Variants in SMURF2 observed in about 807,000 individuals in gnomAD.
The protein encoded by SMURF2 is SMAD specific E3 ubiquitin protein ligase 2.
In SMURF2, 48 loss-of-function variants were observed where a neutral mutation model predicts 109.6. That is an observed-to-expected ratio of 0.44 (90% CI 0.35 to 0.56). SMURF2 has a LOEUF of 0.56. SMURF2 is among the 20% of genes least tolerant of loss of function. The pLI is 0.01. For missense variants in SMURF2, 575 were observed against 909.0 expected (o/e 0.63, Z 4.72); for synonymous variants, 288 against 317.1 (o/e 0.91, Z 0.97).
chr17:64,638,350 G>A (rs1555692292), intron 1 of SMURF2, among the ~76,000 whole-genome samples: 1 of 152,130 alleles, frequency 6.6e-6, no homozygotes, highest in Non-Finnish European at 1.5e-5. Context: ...ACAGGCATGA[G>A]CCACTGCGCC....
rs985674475 is a variant in SMURF2, at chr17:64,543,257, T to C, written c.*2591A>G. The C allele has an allele frequency of 3.3e-5, 5 of 151,224 alleles. No individual in the cohort carries two copies. Among genetic ancestry groups the C allele is most frequent in the African/African-American group, 4.9e-5 (2 of 40,806 alleles). 9.4% of individuals were successfully genotyped at this position (151,224 alleles called of 1,614,324 possible). A position where few individuals can be genotyped will look rare whatever the true frequency, so the allele number is the denominator to read the frequency against. On this transcript the variant is annotated 3_prime_UTR_variant, in exon 19 of 19. Transcript: ENST00000262435. The stretch of plus-strand genomic sequence containing the variant: ...ATGTTGGTGATAACATAGACTGTTA[T>C]GGAGAGTAATTTCTTTTTTTTTTTT...
chr17:64,622,098 AAAAAAT>A (rs202228892), intron 1 of SMURF2, among the ~76,000 whole-genome samples: 7 of 149,804 alleles, frequency 4.7e-5, no homozygotes, highest in Admixed American at 4.0e-4. Context: ...AATAAATTTA[AAAAAAT>A]AAAAATAAAA....
At chr17:64,622,253 G>A (rs912514518) in intron 1 of SMURF2, among the ~76,000 whole-genome samples, 57 of 151,874 alleles carry the variant, frequency 3.8e-4, no homozygotes, top group African/African-American at 1.3e-3. Flanking sequence ...TACAAAGTTA[G>A]TACAGTGTTC....
intron 6 of SMURF2, among the ~76,000 whole-genome samples, chr17:64,584,870 C>A (rs1555686944): frequency 6.6e-6 from 1 of 152,076 alleles, no homozygotes; most frequent in Admixed American, 6.6e-5. Context: ...GAACAATAAG[C>A]CTTATTACTG....
chr17:64,633,612 G>A (rs1414701907), intron 1 of SMURF2, among the ~76,000 whole-genome samples: 3 of 152,020 alleles, frequency 2.0e-5, no homozygotes, highest in Non-Finnish European at 4.4e-5. Context: ...TAGCATCATT[G>A]GTTTGTTTTT....
intron 1 of SMURF2, among the ~76,000 whole-genome samples, chr17:64,635,097 T>A (rs1231402343): frequency 2.6e-5 from 4 of 152,038 alleles, no homozygotes; most frequent in African/African-American, 9.7e-5. Flanking sequence ...GAGGCCAGGG[T>A]GAGTGGATCG....
At chr17:64,636,430 C>A (rs1350762374) in intron 1 of SMURF2, among the ~76,000 whole-genome samples, 1 of 152,106 alleles carries the variant, frequency 6.6e-6, no homozygotes, top group South Asian at 2.1e-4. Context: ...TGGCAAAACT[C>A]CATCTCTACT....
intron 13 of SMURF2, among the ~76,000 whole-genome samples, chr17:64,556,269 C>T (rs16947880): frequency 0.053 from 8,059 of 152,028 alleles, 309 homozygotes; most frequent in Admixed American, 0.13. Context: ...ACTATGGTCC[C>T]GGAGCTTCAT....
intron 3 of SMURF2, among the ~76,000 whole-genome samples, chr17:64,596,181 AAATAT>A (rs1202725189): frequency 3.3e-5 from 5 of 152,134 alleles, no homozygotes; most frequent in Admixed American, 6.5e-5. Context: ...GAATTAAATA[AAATAT>A]ATTATTATGC....
intron 10 of SMURF2, among the ~76,000 whole-genome samples, chr17:64,566,259 A>T (rs1165117001): frequency 1.3e-5 from 2 of 151,982 alleles, no homozygotes; most frequent in African/African-American, 4.8e-5. Context: ...CTACAATTTT[A>T]AGATTAAAAT....
At chr17:64,601,910 TATA>T (rs1215765872) in intron 2 of SMURF2, among the ~76,000 whole-genome samples, 10 of 145,760 alleles carry the variant, frequency 6.9e-5, no homozygotes, top group Middle Eastern at 7.2e-3. Context: ...TATATTTATA[TATA>T]ATTATATGTG....
intron 1 of SMURF2, among the ~76,000 whole-genome samples, chr17:64,618,670 C>T (rs1326159489): frequency 6.6e-6 from 1 of 152,130 alleles, no homozygotes; most frequent in Admixed American, 6.5e-5. Context: ...TAAATTAAAC[C>T]ACACAATTTA....
rs1195172818 is a variant in SMURF2 at position 64,638,062 on chromosome 17, CTTTTTTTT to C, written c.52+23759_52+23766del. On this transcript the variant is annotated intron_variant, in intron 1 of 18. Coordinates refer to ENST00000262435, the MANE Select transcript of SMURF2 (RefSeq NM_022739.4). ...CATGAGTTTTTTTTTTTTCCTTTTT[CTTTTTTTT>C]TTTTTTTTTTTTGACAGAGTCTCAC... Among the ~76,000 whole-genome samples the C allele has an allele frequency of 8.5e-3, 875 of 102,462 alleles. 9 individuals carry two copies. The highest frequency in any genetic ancestry group is 0.032 in the African/African-American group (789 of 24,322). 67.2% of individuals were successfully genotyped at this position (102,462 alleles called of 152,430 possible).
At chr17:64,641,972 A>G (rs1970498228) in intron 1 of SMURF2, among the ~76,000 whole-genome samples, 1 of 152,048 alleles carries the variant, frequency 6.6e-6, no homozygotes, top group African/African-American at 2.4e-5. Context: ...ATGCCTGCCT[A>G]ATTTTTTGTA....
chr17:64,562,221 A>G (rs1453813452), intron 11 of SMURF2, among the ~76,000 whole-genome samples: 1 of 126,552 alleles, frequency 7.9e-6, no homozygotes, highest in Non-Finnish European at 1.6e-5. Context: ...TGAACCCAGG[A>G]GGCAGAGGTT....
chr17:64,646,241 T>C (rs1485870720), intron 1 of SMURF2, among the ~76,000 whole-genome samples: 1 of 151,922 alleles, frequency 6.6e-6, no homozygotes, highest in Non-Finnish European at 1.5e-5. Context: ...AATTTTTGTA[T>C]TTTTGGTAGA....
At chr17:64,594,218 A>C (rs1430423764) in intron 3 of SMURF2, 2 of 152,212 alleles carry the variant, frequency 1.3e-5, no homozygotes, top group Non-Finnish European at 2.9e-5. Context: ...CCCATGCAAA[A>C]AGATAATAAA....
At chr17:64,579,111 CAGAT>C (rs1969541442) in intron 8 of SMURF2, among the ~76,000 whole-genome samples, 1 of 151,976 alleles carries the variant, frequency 6.6e-6, no homozygotes, top group Non-Finnish European at 1.5e-5. Context: ...ATGTCATAAA[CAGAT>C]AGAGATGGAA....
chr17:64,554,483 C>CT (rs1173425271), intron 15 of SMURF2, among the ~76,000 whole-genome samples: 4 of 152,076 alleles, frequency 2.6e-5, no homozygotes, highest in Non-Finnish European at 4.4e-5. Flanking sequence ...TTTGATATCA[C>CT]ATAGGGAGAA....
Sources: allele counts gnomAD v4.1 joint callset (sites outside exome capture counted in the v4.1 genomes callset), GRCh38; gene constraint gnomAD v4.1.1; transcripts MANE v1.5; gene names NCBI Gene and HGNC (gene_info 2026-07-23, HGNC 2026-07-21).